STOX2: variants seen among roughly 807,000 people sequenced by gnomAD.
STOX2 encodes storkhead box 2.
Under a neutral mutation model 60.9 loss-of-function variants are expected in STOX2, and 28 were observed. The ratio of observed to expected loss-of-function variants is 0.46; its 90% confidence interval spans 0.34 to 0.63. The LOEUF (loss-of-function observed/expected upper bound fraction) is 0.63, where lower values mean the gene tolerates loss of function less well. Ranked by LOEUF, STOX2 falls within the 30% of genes least tolerant of loss-of-function variation. STOX2 has a pLI of 0.01. For missense variants in STOX2, 1,024 were observed against 1,187.7 expected (o/e 0.86, Z 2.03); for synonymous variants, 472 against 463.9 (o/e 1.02, Z -0.22).
intron 1 of STOX2, among the ~76,000 whole-genome samples, chr4:183,961,593 A>C (rs753670745): frequency 2.6e-5 from 4 of 152,192 alleles, no homozygotes; most frequent in Non-Finnish European, 5.9e-5. Context: ...TCAGCGGTAC[A>C]AGTGCAGTAC....
At chr4:183,903,152 T>G (rs756230129), upstream of STOX2, among the ~76,000 whole-genome samples, 1 of 152,240 alleles carries the variant, frequency 6.6e-6, no homozygotes, top group Non-Finnish European at 1.5e-5. Context: ...CGGCTCACAC[T>G]GCACTTGGAA....
At chr4:183,939,296 G>A (rs1251318742) in intron 1 of STOX2, among the ~76,000 whole-genome samples, 1 of 152,186 alleles carries the variant, frequency 6.6e-6, no homozygotes, top group Non-Finnish European at 1.5e-5. Context: ...GTCCCTTCCA[G>A]CTTCCGGTGA....
intron 1 of STOX2, among the ~76,000 whole-genome samples, chr4:183,948,544 T>TTTTG (rs1203159699): frequency 1.5e-5 from 2 of 134,228 alleles, no homozygotes; most frequent in Non-Finnish European, 3.2e-5. Flanking sequence ...CTTATCCTTT[T>TTTTG]TTTTTTTTTT....
intron 1 of STOX2, among the ~76,000 whole-genome samples, chr4:183,812,824 A>G (rs1739064800): frequency 6.6e-6 from 1 of 152,166 alleles, no homozygotes; most frequent in Admixed American, 6.5e-5. Flanking sequence ...AGCCCTTTGT[A>G]ACACTGCTAA....
At chr4:183,988,944 C>T (rs1467267016) in intron 1 of STOX2, among the ~76,000 whole-genome samples, 1 of 152,210 alleles carries the variant, frequency 6.6e-6, no homozygotes, top group Non-Finnish European at 1.5e-5. Flanking sequence ...CTCCCGCAGC[C>T]TCAATCTTAG....
At chr4:183,841,179 G>GTATTTATTTATT (rs1553967298) in intron 1 of STOX2, among the ~76,000 whole-genome samples, 27 of 148,000 alleles carry the variant, frequency 1.8e-4, no homozygotes, top group South Asian at 4.3e-4. Flanking sequence ...TTTCATCGTA[G>GTATTTATTTATT]TATTTATTTA....
chr4:183,929,628 A>G (rs1360760134), intron 1 of STOX2, among the ~76,000 whole-genome samples: 1 of 152,170 alleles, frequency 6.6e-6, no homozygotes, highest in East Asian at 1.9e-4. Context: ...AACCAAATGA[A>G]CAAAGAGGCT....
chr4:183,798,898 CTTT>C, intron 1 of STOX2: 3 of 614,602 alleles, frequency 4.9e-6, no homozygotes, highest in Non-Finnish European at 5.6e-6. Flanking sequence ...GGGTTTTATA[CTTT>C]GAGTTTTTGT....
chr4:183,866,627 AT>A (rs1740573997), intron 1 of STOX2, among the ~76,000 whole-genome samples: 2 of 152,200 alleles, frequency 1.3e-5, no homozygotes, highest in Non-Finnish European at 2.9e-5. Flanking sequence ...GCATTATTGA[AT>A]GTCATTGCTT....
At chr4:183,961,503 T>TAGCAAGAATCTGTAGCC (rs1743412447) in intron 1 of STOX2, among the ~76,000 whole-genome samples, 1 of 152,234 alleles carries the variant, frequency 6.6e-6, no homozygotes, top group Admixed American at 6.5e-5. Context: ...CAAGGCCAGC[T>TAGCAAGAATCTGTAGCC]AGCAAGAATC....
Position 184,001,656 on chromosome 4 carries a change from ATAACT to A in STOX2, c.319+185_319+189del, listed in dbSNP as rs1294964644. 6.6e-6 allele frequency among the ~76,000 whole-genome samples: 1 copy of A among 152,184 alleles called. No individual in the cohort carries two copies. The highest frequency in any genetic ancestry group is 1.5e-5 in the Non-Finnish European group (1 of 68,032). On this transcript the variant is annotated intron_variant, in intron 2 of 3. Transcript: ENST00000308497. The surrounding 1 kb of genome is among the most constrained non-coding windows in gnomAD (Gnocchi z 4.2). ...TCAGGCACCTGCATGACATCAAAAAATAACTTAACTGCTTCAGCTGTAATACTTTT... is the reference window on the plus strand; with the variant it reads ...TCAGGCACCTGCATGACATCAAAAAATAACTGCTTCAGCTGTAATACTTTT...
intron 1 of STOX2, among the ~76,000 whole-genome samples, chr4:183,954,696 G>A (rs1743196530): frequency 6.6e-6 from 1 of 152,108 alleles, no homozygotes; most frequent in Non-Finnish European, 1.5e-5. Flanking sequence ...CTAGCATAAT[G>A]AAAAATAACA....
chr4:183,927,741 C>T (rs1308864355), intron 1 of STOX2, among the ~76,000 whole-genome samples: 1 of 152,142 alleles, frequency 6.6e-6, no homozygotes, highest in Non-Finnish European at 1.5e-5. Flanking sequence ...GCTGGTGTGG[C>T]ATTCTAACAA....
rs1742574836 is a variant in STOX2, at chr4:183,935,823, A to T, written c.166+28867A>T. ...TCTGCTCCCCTCTTCTCATGCAGAG[A>T]TTTCTAGTGATGGTGTTTGCATTTC... On this transcript the variant is annotated intron_variant, in intron 1 of 3. Coordinates refer to ENST00000308497, the MANE Select transcript of STOX2 (RefSeq NM_020225.3). Among the ~76,000 whole-genome samples the T allele has an allele frequency of 2.6e-5, 4 of 152,190 alleles. No individual in the cohort carries two copies. In the South Asian group the frequency reaches 8.3e-4, roughly 31 times the overall value.
intron 1 of STOX2, among the ~76,000 whole-genome samples, chr4:183,953,104 G>T (rs1241008683): frequency 1.3e-5 from 2 of 151,980 alleles, no homozygotes; most frequent in Non-Finnish European, 2.9e-5. Flanking sequence ...GGATTGATGG[G>T]TGCAGCAAAC....
At chr4:183,810,384 A>T (rs772593925) in intron 1 of STOX2, among the ~76,000 whole-genome samples, 4 of 152,224 alleles carry the variant, frequency 2.6e-5, no homozygotes, top group Non-Finnish European at 5.9e-5. Context: ...CCACCATGGT[A>T]GGTACAGGAA....
intron 1 of STOX2, among the ~76,000 whole-genome samples, chr4:183,822,624 G>A (rs1159971523): frequency 3.3e-5 from 5 of 152,170 alleles, no homozygotes; most frequent in Non-Finnish European, 5.9e-5. Flanking sequence ...ACGCTGCCGC[G>A]GATCTGACAG....
chr4:183,807,184 T>G (rs190056064), intron 1 of STOX2, among the ~76,000 whole-genome samples: 134 of 152,148 alleles, frequency 8.8e-4, no homozygotes, highest in East Asian at 4.1e-3. Flanking sequence ...GCGTTAGCCA[T>G]GATGGTCTCG....
chr4:183,951,214 CAAAAAAAAAGAAAAA>C lies in STOX2; in HGVS notation c.166+44270_166+44284del, dbSNP rs1228944716. Reference sequence around the variant, plus strand: ...TGGGCGACAGAGCGAGACTCCGTCTCAAAAAAAAAGAAAAAAAAAAAAAAGACAGTAGTGCAAAGG... The same window carrying C: ...TGGGCGACAGAGCGAGACTCCGTCTCAAAAAAAAAGACAGTAGTGCAAAGG... On this transcript the variant is annotated intron_variant, in intron 1 of 3. Transcript: ENST00000308497. 4.1e-4 allele frequency among the ~76,000 whole-genome samples: 36 copies of C among 88,362 alleles called. 2 individuals carry two copies. In the South Asian group the frequency reaches 0.014, roughly 34 times the overall value. 58.0% of individuals were successfully genotyped at this position (88,362 alleles called of 152,430 possible).
Sources: gnomAD v4.1 joint callset for allele counts (sites outside exome capture counted in the v4.1 genomes callset) on GRCh38, gnomAD v4.1.1 for gene constraint, Gnocchi (gnomAD v3.1) non-coding constraint, MANE v1.5 for transcripts, NCBI Gene and HGNC (gene_info 2026-07-23, HGNC 2026-07-21) for gene names.